The following COL6A5 variants were observed in gnomAD, a reference collection of about 807,000 sequenced individuals.
The protein encoded by COL6A5 is collagen type VI alpha 5 chain, also known as collagen alpha-5(VI) chain.
A neutral mutation model predicts 65.6 loss-of-function variants in COL6A5; 48 were observed. The observed-to-expected ratio is 0.73, with a 90% confidence interval of 0.58 to 0.93. The LOEUF (loss-of-function observed/expected upper bound fraction) is 0.93. COL6A5 is among the 40% of genes least tolerant of loss of function. The pLI, the probability that COL6A5 is intolerant of heterozygous loss-of-function variation, is 0.00. For synonymous variants in COL6A5, 291 were observed against 322.8 expected, an observed-to-expected ratio of 0.90 and a Z score of 1.05; for missense variants, 914 against 928.3, an observed-to-expected ratio of 0.98 and a Z score of 0.20.
exon 3 of COL6A5, chr3:130,376,294 G>T (rs773179491): frequency 6.2e-7 from 1 of 1,613,316 alleles, no homozygotes; most frequent in South Asian, 1.1e-5. Flanking sequence ...GATCACCTGG[G>T]ACCTAAGTCA....
Position 130,426,152 on chromosome 3 carries a change from TACTAAAG to T in COL6A5, c.5164-51_5164-45del, listed in dbSNP as rs1035020248. On this transcript the variant is annotated intron_variant and NMD_transcript_variant, in intron 29 of 41. Transcript: ENST00000312481. ...AGTTTTTTGTTTTGTCTTGTTTTAT[TACTAAAG>T]ACTAAAGACTTCAGTTGGCATACCA... The T allele has an allele frequency of 2.5e-5, 36 of 1,458,296 alleles. No homozygotes were observed. In the Admixed American group the frequency reaches 3.5e-4, roughly 14 times the overall value. 90.3% of individuals were successfully genotyped at this position (1,458,296 alleles called of 1,614,324 possible).
exon 3 of COL6A5, chr3:130,440,823 G>C (rs1709164796): frequency 3.1e-6 from 5 of 1,604,746 alleles, no homozygotes; most frequent in East Asian, 4.5e-5. Flanking sequence ...TACTCGGTCA[G>C]GCGTAAGTTA....
chr3:130,364,648 G>A lies in COL6A5; in HGVS notation c.-28-8963G>A, dbSNP rs372896372. Among the ~76,000 whole-genome samples, 20 of 152,268 alleles carry A rather than the reference G, an allele frequency of 1.3e-4. 1 individual carries two copies. In the South Asian group the frequency reaches 3.7e-3, roughly 28 times the overall value. ...ATTTGAGTTTGCACTTAAGAAAAGCGCAAAGTCCTTCAGCCTTGAAGCAGA... is the reference window on the plus strand; with the variant it reads ...ATTTGAGTTTGCACTTAAGAAAAGCACAAAGTCCTTCAGCCTTGAAGCAGA... On this transcript the variant is annotated intron_variant and NMD_transcript_variant, in intron 1 of 41. Transcript: ENST00000312481.
intron 6 of COL6A5, among the ~76,000 whole-genome samples, chr3:130,390,961 A>T (rs776639819): frequency 1.3e-5 from 2 of 152,218 alleles, no homozygotes; most frequent in Non-Finnish European, 2.9e-5. Flanking sequence ...TAGATAGGGT[A>T]CAAATGTCTT....
At chr3:130,394,993 C>T (rs779560014) in exon 8 of COL6A5, 15 of 1,551,090 alleles carry the variant, frequency 9.7e-6, no homozygotes, top group African/African-American at 1.4e-5. Context: ...CAGACTTAAT[C>T]GATAATTTTG....
intron 25 of COL6A5, 68 bp from the exon 26 acceptor site, chr3:130,421,085 C>G (rs1937508519): frequency 7.1e-7 from 1 of 1,400,068 alleles, no homozygotes; most frequent in Non-Finnish European, 9.8e-7. Context: ...ACACTGTAAT[C>G]TCCCCAGTAT....
chr3:130,415,688 A>G, exon 23 of COL6A5: 6 of 1,548,512 alleles, frequency 3.9e-6, no homozygotes, highest in Non-Finnish European at 5.2e-6. Context: ...AAAGGAAGCC[A>G]GGGGCAGAAA....
At chr3:130,460,343 C>T (rs2107605225) in intron 5 of COL6A5, among the ~76,000 whole-genome samples, 1 of 152,172 alleles carries the variant, frequency 6.6e-6, no homozygotes, top group South Asian at 2.1e-4. Context: ...GTTTACATTT[C>T]CTTTTGCTTG....
At chr3:130,376,785 A>T in exon 3 of COL6A5, 1 of 1,613,558 alleles carries the variant, frequency 6.2e-7, no homozygotes, top group Non-Finnish European at 8.5e-7. Flanking sequence ...GACACAGATC[A>T]TCAAGGATGT....
chr3:130,431,273 C>A, upstream of COL6A5: 1 of 710,394 alleles, frequency 1.4e-6, no homozygotes, highest in South Asian at 1.5e-5. Flanking sequence ...TCATGCTCTG[C>A]ATTTATGTTA....
At chr3:130,455,706 C>A in intron 5 of COL6A5, 40 bp downstream of exon 37, 1 of 1,474,524 alleles carries the variant, frequency 6.8e-7, no homozygotes, top group Non-Finnish European at 9.4e-7. Flanking sequence ...GTTTAAATAG[C>A]CAGGATCCTC....
intron 6 of COL6A5, among the ~76,000 whole-genome samples, chr3:130,470,514 C>A (rs1247775662): frequency 1.3e-5 from 2 of 151,178 alleles, no homozygotes; most frequent in African/African-American, 4.9e-5. Flanking sequence ...TCTCCCAGAA[C>A]TTAAAGTATA....
At position 130,440,221 on chromosome 3, in the gene COL6A5, C is replaced by G. The variant is rs1450957645; in HGVS notation, c.639C>G (p.Tyr213Ter). 6.2e-7 allele frequency: 1 copy of G among 1,613,192 alleles called. No individual in the cohort carries two copies. The highest frequency in any genetic ancestry group is 8.5e-7 in the Non-Finnish European group (1 of 1,179,568). ...AGGCTTTCTTACCTGAAGATTCATA[C>G]ATGGATGTAGTCTTCCTCATAGACA... Residue 213 changes from tyrosine (Y) to a stop codon, truncating the protein, a stop_gained, in exon 3 of 8, where the codon TAC (tyrosine) becomes TAG (stop). Transcript: ENST00000512836. LOFTEE classifies it high-confidence loss of function.
chr3:130,352,700 G>A (rs1270203970), intron 1 of COL6A5, among the ~76,000 whole-genome samples: 1 of 152,118 alleles, frequency 6.6e-6, no homozygotes, highest in Non-Finnish European at 1.5e-5. Flanking sequence ...TTAGTGGAGA[G>A]GGGGCAAGTT....
upstream of COL6A5, chr3:130,429,538 A>C: frequency 6.5e-7 from 1 of 1,533,814 alleles, no homozygotes; most frequent in Non-Finnish European, 8.8e-7. Flanking sequence ...TTGTTTCAAG[A>C]AGGTAACAAA....
intron 3 of COL6A5, 104 bp from the exon 36 acceptor site, chr3:130,443,372 T>A (rs1053986420): frequency 1.2e-6 from 1 of 800,906 alleles, no homozygotes; most frequent in African/African-American, 1.7e-5. Flanking sequence ...TGAAATATGT[T>A]AGTGACATTA....
upstream of COL6A5, among the ~76,000 whole-genome samples, chr3:130,429,335 G>T (rs1282065998): frequency 6.6e-6 from 1 of 152,106 alleles, no homozygotes; most frequent in Non-Finnish European, 1.5e-5. Context: ...CCAAAATTCT[G>T]CTAAAGTCTG....
At chr3:130,455,433 C>T in intron 4 of COL6A5, 22 bp from the exon 37 acceptor site, 1 of 1,516,420 alleles carries the variant, frequency 6.6e-7, no homozygotes, top group Non-Finnish European at 9.1e-7. Context: ...CTAGACTCAC[C>T]TAAAGTTTTT....
At chr3:130,478,082 A>G (rs879022468) in intron 7 of COL6A5, among the ~76,000 whole-genome samples, 1 of 152,082 alleles carries the variant, frequency 6.6e-6, no homozygotes, top group Admixed American at 6.6e-5. Flanking sequence ...GGCATGTCAC[A>G]TTGCCTCTCT....
Sources: allele counts gnomAD v4.1 joint callset (sites outside exome capture counted in the v4.1 genomes callset), GRCh38; gene constraint gnomAD v4.1.1; transcripts MANE v1.5; gene names NCBI Gene and HGNC (gene_info 2026-07-23, HGNC 2026-07-21).